CPNE3: variants seen among roughly 807,000 people sequenced by gnomAD.
CPNE3 encodes the protein copine 3.
Under a neutral mutation model 63.9 loss-of-function variants are expected in CPNE3, and 68 were observed. The observed-to-expected ratio is 1.06, with a 90% confidence interval of 0.87 to 1.30. CPNE3 has a LOEUF of 1.30. Among genes scored for constraint, CPNE3 ranks in the 50% most tolerant of loss-of-function variants. The probability of loss-of-function intolerance (pLI) is 0.00; values close to 1 mark genes in which losing one functional copy is unlikely to be tolerated. For synonymous variants in CPNE3, 219 were observed against 197.5 expected (o/e 1.11, Z -0.91); for missense variants, 665 against 578.1 (o/e 1.15, Z -1.54).
intron 10 of CPNE3, chr8:86,547,326 G>T (rs1821074371): frequency 5.7e-6 from 1 of 174,882 alleles, no homozygotes; most frequent in Non-Finnish European, 1.2e-5. Flanking sequence ...AATATAAAAT[G>T]TTATGAGTAA....
intron 2 of CPNE3, among the ~76,000 whole-genome samples, chr8:86,525,396 A>G (rs1428260827): frequency 6.6e-6 from 1 of 152,230 alleles, no homozygotes; most frequent in East Asian, 1.9e-4. Context: ...CATGAATATT[A>G]CCATTAACAA....
chr8:86,537,983 T>TCA (rs1234963218), intron 7 of CPNE3, among the ~76,000 whole-genome samples: 4 of 131,326 alleles, frequency 3.0e-5, no homozygotes, highest in African/African-American at 2.7e-5. Context: ...TCTCTCTCTC[T>TCA]CTCTCACACA....
chr8:86,519,866 A>T (rs1176587102), intron 2 of CPNE3, among the ~76,000 whole-genome samples: 1 of 152,200 alleles, frequency 6.6e-6, no homozygotes, highest in Non-Finnish European at 1.5e-5. Flanking sequence ...GGTGGGCGCC[A>T]TCATGCCCAG....
intron 5 of CPNE3, 151 bp from the exon 6 acceptor site, chr8:86,532,358 C>A (rs1820701667): frequency 1.9e-6 from 1 of 521,312 alleles, no homozygotes. Flanking sequence ...AATGGTAGAT[C>A]TTTTTTAATG....
chr8:86,556,285 G>A lies in CPNE3; in HGVS notation c.1438G>A (p.Glu480Lys), dbSNP rs1307411225. The A allele has an allele frequency of 6.9e-6, 6 of 872,896 alleles. No individual in the cohort carries two copies. Among genetic ancestry groups the A allele is most frequent in the Non-Finnish European group, 1.0e-5 (5 of 501,702 alleles). 54.1% of individuals were successfully genotyped at this position (872,896 alleles called of 1,614,324 possible). A position where few individuals can be genotyped will look rare whatever the true frequency, so the allele number is the denominator to read the frequency against. The change falls in exon 16 of 17, where the codon GAA (glutamate) becomes AAA (lysine). Residue 480 changes from glutamate (E) to lysine (K), a missense_variant. Physicochemically the swap from Glu to Lys is moderately conservative, Grantham distance 56 (BLOSUM62 1). Transcript: ENST00000517490. ...DGGSLRSPLG[E>K]VAIRDIVQFV... ...TGGAAGTCTCCGCTCCCCATTGGGC[G>A]AAGTGGCCATCAGAGATATTGTCCA... is the stretch of plus-strand genomic sequence containing the variant.
intron 14 of CPNE3, 127 bp from the exon 15 acceptor site, chr8:86,554,724 T>A (rs1023664175): frequency 1.8e-6 from 2 of 1,116,786 alleles, no homozygotes; most frequent in Non-Finnish European, 1.3e-6. Flanking sequence ...GAACTACTGC[T>A]TATAGAACTT....
At chr8:86,551,819 T>C (rs1011064166) in intron 14 of CPNE3, among the ~76,000 whole-genome samples, 2 of 152,208 alleles carry the variant, frequency 1.3e-5, no homozygotes, top group Non-Finnish European at 2.9e-5. Flanking sequence ...TTTCACTTTT[T>C]TCTTTTATTT....
intron 1 of CPNE3, chr8:86,515,119 A>T (rs1031706573): frequency 6.6e-6 from 1 of 152,230 alleles, no homozygotes; most frequent in Non-Finnish European, 1.5e-5. Flanking sequence ...GAAGTAGTCT[A>T]GCAGCTCCCG....
At chr8:86,522,984 A>C (rs1345834513) in intron 2 of CPNE3, among the ~76,000 whole-genome samples, 1 of 152,216 alleles carries the variant, frequency 6.6e-6, no homozygotes, top group Non-Finnish European at 1.5e-5. Flanking sequence ...TGTAAATCCC[A>C]AAAATCATTA....
At chr8:86,544,251 T>C (rs963918324) in intron 8 of CPNE3, among the ~76,000 whole-genome samples, 1 of 152,194 alleles carries the variant, frequency 6.6e-6, no homozygotes, top group Non-Finnish European at 1.5e-5. Context: ...CCTCACCAGA[T>C]TGCAGCTAAT....
At chr8:86,526,209 C>CAG (rs1298134975) in intron 2 of CPNE3, among the ~76,000 whole-genome samples, 1 of 150,604 alleles carries the variant, frequency 6.6e-6, no homozygotes, top group Non-Finnish European at 1.5e-5. Flanking sequence ...GCCTGGACGA[C>CAG]AGAGCAAGAC....
At position 86,546,666 on chromosome 8, in the gene CPNE3, T is replaced by A. The variant is rs772212238; in HGVS notation, c.804T>A (p.Ser268Arg). Residue 268 changes from serine to arginine, a missense_variant, in exon 10 of 17, where the codon AGT (serine) becomes AGA (arginine). Physicochemically the swap from Ser to Arg is moderately radical, Grantham distance 110. Transcript: ENST00000517490. ...KKSYKNSGVI[S>R]VKQCEITVEC... is the part of the protein sequence containing the mutation. ...GCTACAAGAATTCAGGTGTTATCAG[T>A]GTGAAACAGTGTGAGGTCCGTTGGC... 1.2e-6 allele frequency: 2 copies of A among 1,611,002 alleles called. No individual in the cohort carries two copies. Among genetic ancestry groups the A allele is most frequent in the Non-Finnish European group, 1.7e-6 (2 of 1,179,348 alleles).
Position 86,546,660 on chromosome 8 carries a change from T to C in CPNE3, c.798T>C (p.Val266=), listed in dbSNP as rs1404075030. The change falls in exon 10 of 17, where the codon GTT becomes GTC. Residue 266 remains valine (V), a synonymous_variant. Transcript: ENST00000517490. Reference sequence around the variant, plus strand: ...AAAAAAGCTACAAGAATTCAGGTGTTATCAGTGTGAAACAGTGTGAGGTCC... The same window carrying C: ...AAAAAAGCTACAAGAATTCAGGTGTCATCAGTGTGAAACAGTGTGAGGTCC... ...QKKKSYKNSG[V]ISVKQCEITV... 2 of 1,613,432 alleles carry C rather than the reference T, an allele frequency of 1.2e-6. No individual in the cohort carries two copies. The highest frequency in any genetic ancestry group is 1.7e-6 in the Non-Finnish European group (2 of 1,179,908).
chr8:86,541,163 A>G (rs1215602928), intron 8 of CPNE3, among the ~76,000 whole-genome samples: 1 of 152,188 alleles, frequency 6.6e-6, no homozygotes, highest in African/African-American at 2.4e-5. Flanking sequence ...TAAGTATAAG[A>G]TTTGGAGTCA....
At chr8:86,538,888 A>C (rs1015331400) in intron 7 of CPNE3, among the ~76,000 whole-genome samples, 1 of 152,150 alleles carries the variant, frequency 6.6e-6, no homozygotes, top group African/African-American at 2.4e-5. Flanking sequence ...CCCCTTTTTA[A>C]TTAATAAGTG....
At chr8:86,543,201 T>C (rs907205376) in intron 8 of CPNE3, among the ~76,000 whole-genome samples, 2 of 152,098 alleles carry the variant, frequency 1.3e-5, no homozygotes, top group African/African-American at 2.4e-5. Context: ...AATTGGATAC[T>C]GAGTAGGGCA....
chr8:86,540,251 A>G lies in CPNE3; in HGVS notation c.550A>G (p.Lys184Glu). The change falls in exon 8 of 17, where the codon AAA (lysine) becomes GAA (glutamate). Residue 184 changes from lysine (K) to glutamate (E), a missense_variant. Transcript: ENST00000517490. ...WLMVHRTEVV[K>E]NNLNPVWRPF... ...TGAAACCACATTTTTATAGGTTGTT[A>G]AAAACAACTTGAATCCTGTTTGGAG... 2 of 1,605,786 alleles carry G rather than the reference A, an allele frequency of 1.2e-6. No homozygotes were observed. Among genetic ancestry groups the G allele is most frequent in the Non-Finnish European group, 8.5e-7 (1 of 1,173,452 alleles).
chr8:86,522,525 G>C (rs1380069384), intron 2 of CPNE3, among the ~76,000 whole-genome samples: 4 of 134,154 alleles, frequency 3.0e-5, no homozygotes, highest in Non-Finnish European at 4.7e-5. Flanking sequence ...TGGATTTACA[G>C]CCATATTACC....
At chr8:86,552,896 A>C (rs1294593772) in intron 14 of CPNE3, among the ~76,000 whole-genome samples, 2 of 120,056 alleles carry the variant, frequency 1.7e-5, no homozygotes, top group Non-Finnish European at 3.4e-5. Context: ...CTGGAGTGCA[A>C]TGGCACGATC....
Sources: gnomAD v4.1 joint callset for allele counts (sites outside exome capture counted in the v4.1 genomes callset) on GRCh38, gnomAD v4.1.1 for gene constraint, MANE v1.5 for transcripts, NCBI Gene and HGNC (gene_info 2026-07-23, HGNC 2026-07-21) for gene names.